Variants in CYS1 observed in about 807,000 individuals in gnomAD.
The protein encoded by CYS1 is cystin-1.
Under a neutral mutation model 9.6 loss-of-function variants are expected in CYS1, and 5 were observed. That is an observed-to-expected ratio of 0.52 (90% CI 0.27 to 1.10). The LOEUF is 1.10. CYS1 is among the 50% of genes least tolerant of loss of function. The pLI is 0.11. For missense variants in CYS1, 221 were observed against 207.9 expected, an observed-to-expected ratio of 1.06 and a Z score of -0.39; for synonymous variants, 88 against 95.7, an observed-to-expected ratio of 0.92 and a Z score of 0.47.
intron 1 of CYS1, among the ~76,000 whole-genome samples, chr2:10,067,406 C>CTTTTTTTTTT (rs34525296): frequency 1.7e-5 from 2 of 118,118 alleles, no homozygotes; most frequent in Non-Finnish European, 3.4e-5. Flanking sequence ...AAATTCTTTT[C>CTTTTTTTTTT]TTTTTTTTTT....
chr2:10,071,484 C>T (rs1177952119), intron 1 of CYS1, among the ~76,000 whole-genome samples: 4 of 152,352 alleles, frequency 2.6e-5, no homozygotes, highest in South Asian at 2.1e-4. Context: ...CCATCCAGTG[C>T]GTGAACGGCC....
chr2:10,066,671 G>A (rs1661701028), intron 1 of CYS1, among the ~76,000 whole-genome samples: 1 of 152,264 alleles, frequency 6.6e-6, no homozygotes, highest in Non-Finnish European at 1.5e-5. Flanking sequence ...GAGTCTTGGT[G>A]ATTCTTGGCT....
In CYS1 at chr2:10,056,737, A is replaced by G. The variant is rs1661553990; in HGVS notation, c.*2116T>C. On this transcript the variant is annotated 3_prime_UTR_variant, in exon 3 of 3. Transcript: ENST00000381813. ...AACGCCCACCCCTCTACTTCCAGGC[A>G]CAGCCCCTCCGTCTCACAGGACAGA... 6.6e-6 allele frequency: 1 copy of G among 152,288 alleles called. No homozygotes were observed. Among genetic ancestry groups the G allele is most frequent in the Non-Finnish European group, 1.5e-5 (1 of 68,086 alleles). The allele number at this position is 152,288 out of a possible 1,614,324, so 9.4% of individuals were successfully genotyped here.
intron 2 of CYS1, among the ~76,000 whole-genome samples, chr2:10,064,584 T>C (rs1254735026): frequency 6.6e-6 from 1 of 152,104 alleles, no homozygotes; most frequent in Admixed American, 6.5e-5. Flanking sequence ...CTCCCAACAC[T>C]TTAATCCTCC....
chr2:10,069,904 T>A (rs1412201225), intron 1 of CYS1, among the ~76,000 whole-genome samples: 1 of 152,172 alleles, frequency 6.6e-6, no homozygotes, highest in Non-Finnish European at 1.5e-5. Flanking sequence ...GGGCTCAGTG[T>A]GTCCCCACTA....
Position 10,058,864 on chromosome 2 carries a change from A to T in CYS1, c.466T>A (p.Tyr156Asn). 6.3e-7 allele frequency: 1 copy of T among 1,579,420 alleles called. No homozygotes were observed. The highest frequency in any genetic ancestry group is 8.6e-7 in the Non-Finnish European group (1 of 1,163,274). Residue 156 changes from tyrosine to asparagine, a missense_variant, in exon 3 of 3, where the codon TAC becomes AAC. Tyr to Asn is a moderately radical substitution (Grantham distance 143). Coordinates refer to ENST00000381813, the MANE Select transcript of CYS1 (RefSeq NM_001037160.3). ...GGAGCATGCTGTCCTCAGCGGCAGT[A>T]CTCCCGCTCGATGCTCGCCATCAGC... ...EGLMASIEREYCR is the reference protein window; with the variant it reads ...EGLMASIERENCR
Position 10,063,510 on chromosome 2 carries a change from T to C in CYS1, c.371+2394A>G, listed in dbSNP as rs551831745. Among the ~76,000 whole-genome samples, 1 of 152,320 alleles carries C rather than the reference T, an allele frequency of 6.6e-6. No individual in the cohort carries two copies. The highest frequency in any genetic ancestry group is 2.1e-4 in the South Asian group (1 of 4,828). On this transcript the variant is annotated intron_variant, in intron 2 of 2. Transcript: ENST00000381813. This position sits in a 1 kb window ranked among gnomAD's most constrained non-coding sequence, Gnocchi z 4.2. Reference sequence around the variant, plus strand: ...CTATATTTACTTTATCACGTACTTATTTACTTCTTCATCTGATTTTCTGAT... The same window carrying C: ...CTATATTTACTTTATCACGTACTTACTTACTTCTTCATCTGATTTTCTGAT...
intron 1 of CYS1, among the ~76,000 whole-genome samples, chr2:10,071,529 A>G (rs10803715): frequency 0.7 from 106,760 of 151,762 alleles, 37,620 homozygotes; most frequent in East Asian, 0.77. Flanking sequence ...CAATTTCCCC[A>G]ATGGCTCAGC....
intron 1 of CYS1, 104 bp downstream of exon 1, chr2:10,079,802 G>T: frequency 1.4e-6 from 1 of 730,120 alleles, no homozygotes; most frequent in South Asian, 6.4e-5. Flanking sequence ...GTCGGAGGCT[G>T]GAAGGGGGCG....
intron 1 of CYS1, among the ~76,000 whole-genome samples, chr2:10,073,537 C>A (rs1255658953): frequency 6.6e-6 from 1 of 152,212 alleles, no homozygotes; most frequent in Non-Finnish European, 1.5e-5. Flanking sequence ...TGACAGCTGT[C>A]TGGCCATATA....
intron 1 of CYS1, among the ~76,000 whole-genome samples, chr2:10,074,237 T>C (rs886952004): frequency 7.9e-4 from 120 of 152,322 alleles, no homozygotes; most frequent in Non-Finnish European, 1.6e-4. Flanking sequence ...CCACGGAAAT[T>C]ATCCACCTAG....
intron 2 of CYS1, among the ~76,000 whole-genome samples, chr2:10,060,008 G>A (rs992633071): frequency 1.3e-5 from 2 of 152,398 alleles, no homozygotes; most frequent in Middle Eastern, 3.4e-3. Flanking sequence ...GACCTGCCAC[G>A]GTTGTGTCGA....
chr2:10,068,015 T>C (rs1661718704), intron 1 of CYS1, among the ~76,000 whole-genome samples: 1 of 151,334 alleles, frequency 6.6e-6, no homozygotes, highest in African/African-American at 2.4e-5. Context: ...CTTCTCCAGC[T>C]ATCTTGTATC....
chr2:10,060,120 G>T (rs1477614017), intron 2 of CYS1, among the ~76,000 whole-genome samples: 1 of 152,264 alleles, frequency 6.6e-6, no homozygotes, highest in East Asian at 1.9e-4. Flanking sequence ...CCTCGGAAGG[G>T]GGTGTGCAGG....
intron 1 of CYS1, among the ~76,000 whole-genome samples, chr2:10,072,280 A>G (rs1661777659): frequency 6.6e-6 from 1 of 152,150 alleles, no homozygotes; most frequent in Admixed American, 6.5e-5. Flanking sequence ...CTGGGGTTTC[A>G]CCATGTTGGC....
intron 1 of CYS1, among the ~76,000 whole-genome samples, chr2:10,075,499 G>A (rs900142660): frequency 1.3e-5 from 2 of 152,184 alleles, no homozygotes; most frequent in African/African-American, 4.8e-5. Flanking sequence ...GATAGTCACC[G>A]TCTTCAGGAC....
Position 10,058,931 on chromosome 2 carries a change from G to T in CYS1, c.399C>A (p.Pro133=). The stretch of plus-strand genomic sequence containing the variant: ...CGTAGGAGATGGCTGCCGGCCTCTC[G>T]GGCTTCTTGCGACCGCTGCCTGGGG... ...SEAPGSGRKK[P]ERPAAISYDH... is the part of the protein sequence containing the mutation. Residue 133 remains proline (P), a synonymous_variant, in exon 3 of 3, where the codon CCC becomes CCA. Coordinates refer to ENST00000381813, the MANE Select transcript of CYS1 (RefSeq NM_001037160.3). 1 of 1,592,312 alleles carries T rather than the reference G, an allele frequency of 6.3e-7. No homozygotes were observed. The highest frequency in any genetic ancestry group is 2.3e-5 in the East Asian group (1 of 44,044).
intron 1 of CYS1, among the ~76,000 whole-genome samples, chr2:10,069,874 ACTT>A (rs1661742279): frequency 6.6e-6 from 1 of 152,270 alleles, no homozygotes; most frequent in East Asian, 1.9e-4. Context: ...AACAGGCCAC[ACTT>A]CTTCTGCCTG....
chr2:10,066,486 T>C (rs1558358323), intron 1 of CYS1, among the ~76,000 whole-genome samples: 1 of 152,234 alleles, frequency 6.6e-6, no homozygotes, highest in Non-Finnish European at 1.5e-5. Flanking sequence ...TGAAGTGCTT[T>C]CTCTTCATAA....
Sources: gnomAD v4.1 joint callset for allele counts (sites outside exome capture counted in the v4.1 genomes callset) on GRCh38, gnomAD v4.1.1 for gene constraint, Gnocchi (gnomAD v3.1) non-coding constraint, MANE v1.5 for transcripts, NCBI Gene and HGNC (gene_info 2026-07-23, HGNC 2026-07-21) for gene names.